The following NCAM1 variants were observed in gnomAD, a reference collection of about 807,000 sequenced individuals.
NCAM1 encodes neural cell adhesion molecule 1.
Under a neutral mutation model 109.8 loss-of-function variants are expected in NCAM1, and 14 were observed. That is an observed-to-expected ratio of 0.13 (90% CI 0.08 to 0.20). The LOEUF (loss-of-function observed/expected upper bound fraction) is 0.20, where lower values mean the gene tolerates loss of function less well. NCAM1 is among the 10% of genes least tolerant of loss of function. NCAM1 has a pLI of 1.00. For missense variants in NCAM1, 774 were observed against 1,109.9 expected (o/e 0.70, Z 4.30); for synonymous variants, 418 against 442.9 (o/e 0.94, Z 0.70).
chr11:112,967,131 C>G (rs1555065658), intron 1 of NCAM1, among the ~76,000 whole-genome samples: 1 of 152,156 alleles, frequency 6.6e-6, no homozygotes, highest in Admixed American at 6.5e-5. Flanking sequence ...TTTGTAGCTG[C>G]AAACATGGGT....
intron 1 of NCAM1, among the ~76,000 whole-genome samples, chr11:113,023,140 T>C (rs1332387705): frequency 2.0e-5 from 3 of 152,218 alleles, no homozygotes; most frequent in Non-Finnish European, 4.4e-5. Context: ...CTATACTGTT[T>C]ATGCAAATAT....
chr11:113,084,256 A>G (rs1938979189), intron 1 of NCAM1, among the ~76,000 whole-genome samples: 1 of 152,144 alleles, frequency 6.6e-6, no homozygotes, highest in African/African-American at 2.4e-5. Flanking sequence ...TTAGTGCTTC[A>G]TTAAATTTTG....
intron 1 of NCAM1, among the ~76,000 whole-genome samples, chr11:113,007,205 T>C (rs1171306650): frequency 6.6e-6 from 1 of 152,160 alleles, no homozygotes; most frequent in Non-Finnish European, 1.5e-5. Context: ...CTTTCTTTTT[T>C]GTTTGAGACA....
intron 1 of NCAM1, among the ~76,000 whole-genome samples, chr11:113,078,724 A>G (rs1319222888): frequency 2.6e-5 from 4 of 152,108 alleles, no homozygotes; most frequent in African/African-American, 9.7e-5. Context: ...TTTGACCCCA[A>G]AGGCTATGCG....
rs895093548 is a variant in NCAM1 at position 112,962,832 on chromosome 11, C to G, written c.52+1168C>G. ...GGAGGGAAGGAAGAAAAGCAGGGGC[C>G]GCAGAGAGCTGGGTGGGTTGGGCGG... is the stretch of plus-strand genomic sequence containing the variant. On this transcript the variant is annotated intron_variant, in intron 1 of 19. Transcript: ENST00000316851. This position sits in a 1 kb window ranked among gnomAD's most constrained non-coding sequence, Gnocchi z 5.6. Among the ~76,000 whole-genome samples, 19 of 152,068 alleles carry G rather than the reference C, an allele frequency of 1.2e-4. No homozygotes were observed. The highest frequency in any genetic ancestry group is 7.9e-4 in the Admixed American group (12 of 15,282).
chr11:113,201,435 C>T (rs1338604711), intron 1 of NCAM1, among the ~76,000 whole-genome samples: 38 of 152,174 alleles, frequency 2.5e-4, no homozygotes, highest in Admixed American at 2.4e-3. Flanking sequence ...GAACCAAATA[C>T]CTGTTTGCCT....
intron 11 of NCAM1, 124 bp downstream of exon 11, chr11:113,232,478 C>T: frequency 9.4e-7 from 1 of 1,058,242 alleles, no homozygotes; most frequent in Non-Finnish European, 1.3e-6. Context: ...AAGGCATGGG[C>T]TAGAGAAGAC....
At chr11:113,079,249 C>T (rs550989229) in intron 1 of NCAM1, among the ~76,000 whole-genome samples, 93 of 152,242 alleles carry the variant, frequency 6.1e-4, no homozygotes, top group African/African-American at 1.4e-3. Flanking sequence ...GTGCATTATC[C>T]GATTTATTCC....
At chr11:113,085,200 T>C (rs1363603677) in intron 1 of NCAM1, among the ~76,000 whole-genome samples, 1 of 152,242 alleles carries the variant, frequency 6.6e-6, no homozygotes, top group Admixed American at 6.5e-5. Flanking sequence ...CTGATACAGA[T>C]GTTGGCCTGT....
chr11:113,219,470 T>C (rs562658622), intron 8 of NCAM1, among the ~76,000 whole-genome samples: 1 of 152,370 alleles, frequency 6.6e-6, no homozygotes, highest in African/African-American at 2.4e-5. Flanking sequence ...CAATAAAATA[T>C]GAATATCAAA....
chr11:113,211,881 G>A (rs1301856951), intron 7 of NCAM1, among the ~76,000 whole-genome samples: 1 of 152,214 alleles, frequency 6.6e-6, no homozygotes, highest in Non-Finnish European at 1.5e-5. Context: ...CTCACAGGAG[G>A]AAATATGGGG....
chr11:113,097,332 T>C (rs1051973732), intron 1 of NCAM1, among the ~76,000 whole-genome samples: 6 of 152,250 alleles, frequency 3.9e-5, no homozygotes, highest in Non-Finnish European at 5.9e-5. Flanking sequence ...GCACAAATGA[T>C]AACTCATTTA....
chr11:113,094,036 C>T (rs1256225922), intron 1 of NCAM1, among the ~76,000 whole-genome samples: 1 of 152,150 alleles, frequency 6.6e-6, no homozygotes, highest in African/African-American at 2.4e-5. Context: ...ATAGATAAAA[C>T]AATCAATAGC....
chr11:113,102,793 C>T (rs1939933830), intron 1 of NCAM1, among the ~76,000 whole-genome samples: 1 of 152,194 alleles, frequency 6.6e-6, no homozygotes, highest in African/African-American at 2.4e-5. Context: ...GTGAAAGGGA[C>T]ACCTAGGATT....
chr11:113,037,914 C>T (rs1013011120), intron 1 of NCAM1, among the ~76,000 whole-genome samples: 4 of 152,058 alleles, frequency 2.6e-5, no homozygotes. Context: ...ACTTTTTCTT[C>T]GAGTGTGTGG....
intron 1 of NCAM1, among the ~76,000 whole-genome samples, chr11:113,194,453 C>A (rs1555110442): frequency 6.6e-6 from 1 of 152,118 alleles, no homozygotes; most frequent in East Asian, 1.9e-4. Context: ...GTGTATGACT[C>A]AATACCCAGT....
chr11:113,207,793 T>C, intron 6 of NCAM1, 40 bp from the exon 7 acceptor site: 3 of 1,562,598 alleles, frequency 1.9e-6, no homozygotes, highest in Non-Finnish European at 2.6e-6. Flanking sequence ...CTTATTTCTG[T>C]GGTCGAAATC....
At chr11:113,006,086 G>A (rs1951888207) in intron 1 of NCAM1, among the ~76,000 whole-genome samples, 2 of 151,780 alleles carry the variant, frequency 1.3e-5, no homozygotes. Context: ...TCCTTTTTTG[G>A]TTTCAAAAAA....
At chr11:113,104,304 T>C (rs1343147583) in intron 1 of NCAM1, among the ~76,000 whole-genome samples, 1 of 151,552 alleles carries the variant, frequency 6.6e-6, no homozygotes, top group Non-Finnish European at 1.5e-5. Context: ...CAGTGATTTA[T>C]ACTGCCCTAC....
Sources: allele counts gnomAD v4.1 joint callset (sites outside exome capture counted in the v4.1 genomes callset), GRCh38; gene constraint gnomAD v4.1.1; non-coding constraint Gnocchi (gnomAD v3.1); transcripts MANE v1.5; gene names NCBI Gene and HGNC (gene_info 2026-07-23, HGNC 2026-07-21).